The following RALGAPA1 variants were observed in gnomAD, a reference collection of about 807,000 sequenced individuals.
RALGAPA1 encodes the protein ral GTPase-activating protein subunit alpha-1.
In RALGAPA1, 52 loss-of-function variants were observed where a neutral mutation model predicts 269.6. That is an observed-to-expected ratio of 0.19 (90% CI 0.15 to 0.24). The LOEUF is 0.24. RALGAPA1 is among the 10% of genes least tolerant of loss of function. RALGAPA1 has a pLI of 1.00. For synonymous variants in RALGAPA1, 817 were observed against 1,008.3 expected (o/e 0.81, Z 3.60); for missense variants, 1,917 against 3,013.9 (o/e 0.64, Z 8.52).
intron 12 of RALGAPA1, among the ~76,000 whole-genome samples, chr14:35,736,057 G>A (rs530833340): frequency 6.6e-6 from 1 of 152,328 alleles, no homozygotes; most frequent in East Asian, 1.9e-4. Context: ...CAGGTGGGCA[G>A]GGCAGAAGCA....
At chr14:35,580,848 A>G (rs114627661) in intron 37 of RALGAPA1, among the ~76,000 whole-genome samples, 3,381 of 152,256 alleles carry the variant, frequency 0.022, 125 homozygotes, top group South Asian at 0.14. Context: ...CTTTATACTG[A>G]CTGTCGACTA....
chr14:35,730,370 G>T (rs1332787894), intron 12 of RALGAPA1, among the ~76,000 whole-genome samples: 1 of 152,174 alleles, frequency 6.6e-6, no homozygotes, highest in African/African-American at 2.4e-5. Flanking sequence ...TTTGAACCAG[G>T]CAAGAAGCCT....
chr14:35,593,138 A>G (rs115262352), intron 37 of RALGAPA1, among the ~76,000 whole-genome samples: 1 of 152,210 alleles, frequency 6.6e-6, no homozygotes, highest in African/African-American at 2.4e-5. Context: ...TACAACTAAC[A>G]TATGAATTCA....
In RALGAPA1 at chr14:35,728,222, T is replaced by C. The variant is rs886172809; in HGVS notation, c.1736+140A>G. 2.5e-5 allele frequency: 21 copies of C among 825,032 alleles called. No individual in the cohort carries two copies. The African/African-American group carries it at 3.6e-4, about 14-fold the overall frequency. 51.1% of individuals were successfully genotyped at this position (825,032 alleles called of 1,614,324 possible). On this transcript the variant is annotated intron_variant, in intron 13 of 41. Transcript: ENST00000680220. Reference sequence around the variant, plus strand: ...CTGAAAGGAACTATTGCCACTATGATTAATTTTATATTTATTCAATAATAG... The same window carrying C: ...CTGAAAGGAACTATTGCCACTATGACTAATTTTATATTTATTCAATAATAG...
intron 13 of RALGAPA1, among the ~76,000 whole-genome samples, chr14:35,725,457 TA>T (rs2069808962): frequency 6.6e-6 from 1 of 152,138 alleles, no homozygotes; most frequent in African/African-American, 2.4e-5. Flanking sequence ...ACAAATTAAG[TA>T]GTGACCTTAA....
chr14:35,573,712 C>T (rs980700405), intron 37 of RALGAPA1, among the ~76,000 whole-genome samples: 2 of 152,108 alleles, frequency 1.3e-5, no homozygotes, highest in African/African-American at 4.8e-5. Context: ...CTCCTTAATC[C>T]TGGAGTAACT....
chr14:35,686,111 T>C (rs2065904576), intron 19 of RALGAPA1, among the ~76,000 whole-genome samples: 1 of 151,092 alleles, frequency 6.6e-6, no homozygotes, highest in African/African-American at 2.4e-5. Flanking sequence ...ATAAAAATTA[T>C]ATATGTATTT....
At chr14:35,569,663 T>C (rs1055506809) in intron 39 of RALGAPA1, among the ~76,000 whole-genome samples, 40 of 152,276 alleles carry the variant, frequency 2.6e-4, no homozygotes, top group South Asian at 6.2e-4. Context: ...TCCCTCTGCT[T>C]GGAAGGCTCT....
intron 16 of RALGAPA1, among the ~76,000 whole-genome samples, chr14:35,702,570 A>C (rs1219747409): frequency 6.6e-6 from 1 of 152,118 alleles, no homozygotes; most frequent in Non-Finnish European, 1.5e-5. Context: ...CAATTTTATA[A>C]TCTAATTTGA....
intron 11 of RALGAPA1, among the ~76,000 whole-genome samples, chr14:35,741,592 C>T (rs1443180836): frequency 6.6e-6 from 1 of 152,150 alleles, no homozygotes; most frequent in Non-Finnish European, 1.5e-5. Flanking sequence ...AGTGAATAAG[C>T]ATTACTCAAT....
chr14:35,768,165 T>C (rs1251239266), intron 4 of RALGAPA1, among the ~76,000 whole-genome samples: 1 of 152,184 alleles, frequency 6.6e-6, no homozygotes, highest in African/African-American at 2.4e-5. Context: ...CTTGAATTTC[T>C]GGACTTAAGT....
At chr14:35,674,005 C>G (rs2064730076) in intron 24 of RALGAPA1, among the ~76,000 whole-genome samples, 175 bp downstream of exon 24, 1 of 151,984 alleles carries the variant, frequency 6.6e-6, no homozygotes. Flanking sequence ...GCAATAAATC[C>G]CGAGTAATTT....
chr14:35,701,977 C>G (rs2140647969), intron 16 of RALGAPA1, among the ~76,000 whole-genome samples: 1 of 152,242 alleles, frequency 6.6e-6, no homozygotes, highest in East Asian at 1.9e-4. Context: ...CTCTCCCAAA[C>G]AATTATTTAC....
At chr14:35,668,028 T>C (rs1357220821) in intron 26 of RALGAPA1, among the ~76,000 whole-genome samples, 2 of 152,214 alleles carry the variant, frequency 1.3e-5, no homozygotes, top group Non-Finnish European at 2.9e-5. Flanking sequence ...GAGAACATTA[T>C]GTTAACTGAA....
chr14:35,730,507 G>A (rs1255379241), intron 12 of RALGAPA1, among the ~76,000 whole-genome samples: 3 of 116,024 alleles, frequency 2.6e-5, no homozygotes, highest in South Asian at 2.6e-4. Flanking sequence ...AACCCTGCTC[G>A]CCCACTGCCT....
chr14:35,558,741 A>C (rs2055868724), intron 39 of RALGAPA1, among the ~76,000 whole-genome samples: 1 of 152,280 alleles, frequency 6.6e-6, no homozygotes, highest in South Asian at 2.1e-4. Context: ...TAGTGCTGTC[A>C]AGCTGTTCAG....
At chr14:35,778,836 G>A (rs558477317) in intron 1 of RALGAPA1, among the ~76,000 whole-genome samples, 31 of 152,194 alleles carry the variant, frequency 2.0e-4, no homozygotes, top group Middle Eastern at 6.8e-3. Context: ...AACACAAAGC[G>A]AATGTTTTCT....
intron 12 of RALGAPA1, among the ~76,000 whole-genome samples, chr14:35,730,189 G>T (rs969342393): frequency 8.5e-5 from 13 of 152,194 alleles, no homozygotes; most frequent in Admixed American, 2.0e-4. Flanking sequence ...AATTTAGAGA[G>T]CCGAGGGAAA....
chr14:35,768,596 G>A (rs145712332), intron 4 of RALGAPA1, among the ~76,000 whole-genome samples: 29 of 152,184 alleles, frequency 1.9e-4, no homozygotes, highest in African/African-American at 5.1e-4. Flanking sequence ...TTAAGAGGCT[G>A]AGTAGGGGGA....
Sources: allele counts gnomAD v4.1 joint callset (sites outside exome capture counted in the v4.1 genomes callset), GRCh38; gene constraint gnomAD v4.1.1; transcripts MANE v1.5; gene names NCBI Gene and HGNC (gene_info 2026-07-23, HGNC 2026-07-21).